The following TACR1 variants were observed in gnomAD, a reference collection of about 807,000 sequenced individuals.
The protein encoded by TACR1 is substance-P receptor.
Under a neutral mutation model 35.8 loss-of-function variants are expected in TACR1, and 25 were observed. The observed-to-expected ratio is 0.70, with a 90% confidence interval of 0.51 to 0.98. The LOEUF (loss-of-function observed/expected upper bound fraction) is 0.98. Among genes scored for constraint, TACR1 ranks in the 50% least tolerant of loss-of-function variants. The probability of loss-of-function intolerance (pLI) is 0.00; values close to 1 mark genes in which losing one functional copy is unlikely to be tolerated. For missense variants in TACR1, 478 were observed against 522.9 expected (o/e 0.91, Z 0.84); for synonymous variants, 195 against 206.7 (o/e 0.94, Z 0.48).
intron 2 of TACR1, among the ~76,000 whole-genome samples, chr2:75,094,778 G>T (rs905349884): frequency 1.3e-5 from 2 of 149,724 alleles, no homozygotes; most frequent in African/African-American, 5.0e-5. Flanking sequence ...TCAAGGATGG[G>T]CAAGAATTTC....
chr2:75,186,625 A>C (rs1675710491), intron 1 of TACR1, among the ~76,000 whole-genome samples: 1 of 151,054 alleles, frequency 6.6e-6, no homozygotes, highest in Non-Finnish European at 1.5e-5. Flanking sequence ...GGTAATATTC[A>C]ATAGTAAGTT....
chr2:75,085,053 T>C (rs1673165523), intron 2 of TACR1, among the ~76,000 whole-genome samples: 1 of 152,214 alleles, frequency 6.6e-6, no homozygotes, highest in South Asian at 2.1e-4. Flanking sequence ...CTGCTTTCTC[T>C]TGTGGGCATT....
At chr2:75,194,213 T>C (rs948876060) in intron 1 of TACR1, among the ~76,000 whole-genome samples, 1 of 151,936 alleles carries the variant, frequency 6.6e-6, no homozygotes, top group Non-Finnish European at 1.5e-5. Flanking sequence ...AGGTGGGCAT[T>C]GGACCTCTTG....
At chr2:75,070,982 G>T (rs995552157) in intron 2 of TACR1, among the ~76,000 whole-genome samples, 52 of 152,092 alleles carry the variant, frequency 3.4e-4, no homozygotes, top group African/African-American at 1.2e-3. Context: ...AAACAAAGAA[G>T]AATATTGTTT....
intron 2 of TACR1, among the ~76,000 whole-genome samples, chr2:75,097,958 A>G (rs1368817229): frequency 1.3e-5 from 2 of 152,202 alleles, no homozygotes; most frequent in South Asian, 2.1e-4. Context: ...GCTAATTACA[A>G]TTTCAAAATA....
intron 1 of TACR1, among the ~76,000 whole-genome samples, chr2:75,160,632 A>G (rs1197894658): frequency 1.3e-5 from 2 of 151,674 alleles, no homozygotes; most frequent in African/African-American, 4.8e-5. Flanking sequence ...CAAAAAAGCA[A>G]ATTAGAAATG....
At chr2:75,133,059 G>T (rs879938998) in intron 1 of TACR1, among the ~76,000 whole-genome samples, 2 of 152,158 alleles carry the variant, frequency 1.3e-5, no homozygotes, top group African/African-American at 2.4e-5. Context: ...ACCTTGGGCA[G>T]GTCCTAGGCT....
chr2:75,165,214 C>A (rs1400195471), intron 1 of TACR1, among the ~76,000 whole-genome samples: 1 of 152,228 alleles, frequency 6.6e-6, no homozygotes, highest in Non-Finnish European at 1.5e-5. Flanking sequence ...CCTTTTTGAA[C>A]GAAAGATCTG....
At chr2:75,099,850 C>T (rs1235027532) in intron 2 of TACR1, among the ~76,000 whole-genome samples, 2 of 152,294 alleles carry the variant, frequency 1.3e-5, no homozygotes, top group African/African-American at 4.8e-5. Flanking sequence ...GTTGTAAATC[C>T]ATCTATGAGC....
chr2:75,098,292 C>T (rs1261712448), intron 2 of TACR1, among the ~76,000 whole-genome samples: 2 of 151,992 alleles, frequency 1.3e-5, no homozygotes, highest in South Asian at 2.1e-4. Flanking sequence ...CCTTTTTTTA[C>T]CCAAACATAA....
intron 2 of TACR1, among the ~76,000 whole-genome samples, chr2:75,116,165 A>G (rs566211165): frequency 6.6e-6 from 1 of 151,966 alleles, no homozygotes; most frequent in East Asian, 1.9e-4. Context: ...AGTGCAGTGG[A>G]GTGACCTCAG....
intron 1 of TACR1, among the ~76,000 whole-genome samples, chr2:75,168,211 A>G (rs1338507019): frequency 6.6e-6 from 1 of 152,228 alleles, no homozygotes; most frequent in South Asian, 2.1e-4. Flanking sequence ...AGCTATGACC[A>G]TATAATAATG....
intron 1 of TACR1, among the ~76,000 whole-genome samples, chr2:75,180,823 G>A (rs1246330822): frequency 1.3e-5 from 2 of 152,198 alleles, no homozygotes; most frequent in Non-Finnish European, 2.9e-5. Flanking sequence ...CTGAGGTCAT[G>A]TGGTTGTTTG....
intron 2 of TACR1, among the ~76,000 whole-genome samples, chr2:75,112,124 T>G (rs1181787206): frequency 2.0e-5 from 3 of 152,040 alleles, no homozygotes; most frequent in Non-Finnish European, 2.9e-5. Flanking sequence ...CCTTACAAAT[T>G]TGACATGCTA....
chr2:75,151,336 G>A (rs1674665720), intron 1 of TACR1, among the ~76,000 whole-genome samples: 1 of 152,314 alleles, frequency 6.6e-6, no homozygotes. Flanking sequence ...AAGTGTTTTT[G>A]TGGATCTGGC....
intron 2 of TACR1, among the ~76,000 whole-genome samples, chr2:75,071,376 T>C (rs1462665210): frequency 6.6e-6 from 1 of 152,216 alleles, no homozygotes; most frequent in Non-Finnish European, 1.5e-5. Flanking sequence ...AATCCAAATC[T>C]TATCCTTCTT....
chr2:75,093,969 AGCATGTTAGAG>A (rs1482487683), intron 2 of TACR1, among the ~76,000 whole-genome samples: 2 of 152,162 alleles, frequency 1.3e-5, no homozygotes, highest in African/African-American at 4.8e-5. Flanking sequence ...CAGGTCACAC[AGCATGTTAGAG>A]GCAAAGCCAG....
At chr2:75,110,178 C>T (rs1187113414) in intron 2 of TACR1, among the ~76,000 whole-genome samples, 1 of 151,952 alleles carries the variant, frequency 6.6e-6, no homozygotes, top group East Asian at 1.9e-4. Context: ...CAGATTTCTT[C>T]ACTTAAGTAA....
chr2:75,067,085 G>A lies in TACR1; in HGVS notation c.585-13330C>T, dbSNP rs530350589. ...GGAGAGGAGGTTTTGAATGGAGAGG[G>A]TCCGAGGGGAGCAGTGGGAGATTAT... is the stretch of plus-strand genomic sequence containing the variant. On this transcript the variant is annotated intron_variant, in intron 2 of 4. Coordinates refer to ENST00000305249, the MANE Select transcript of TACR1 (RefSeq NM_001058.4). Among the ~76,000 whole-genome samples the A allele has an allele frequency of 2.0e-5, 3 of 152,312 alleles. No homozygotes were observed. In the East Asian group the frequency reaches 5.8e-4, roughly 29 times the overall value.
Sources: gnomAD v4.1 joint callset for allele counts (sites outside exome capture counted in the v4.1 genomes callset) on GRCh38, gnomAD v4.1.1 for gene constraint, MANE v1.5 for transcripts, NCBI Gene and HGNC (gene_info 2026-07-23, HGNC 2026-07-21) for gene names.